GPHN: variants seen among roughly 807,000 people sequenced by gnomAD.
The protein encoded by GPHN is gephyrin.
GPHN carries 17 observed loss-of-function variants against 95.5 expected under a neutral mutation model. The ratio of observed to expected loss-of-function variants is 0.18; its 90% CI spans 0.12 to 0.27. GPHN has a LOEUF of 0.27. Among genes scored for constraint, GPHN ranks in the 10% least tolerant of loss-of-function variants. GPHN has a pLI of 1.00. For synonymous variants in GPHN, 320 were observed against 322.5 expected, an observed-to-expected ratio of 0.99 and a Z score of 0.08; for missense variants, 660 against 978.1, an observed-to-expected ratio of 0.67 and a Z score of 4.34.
the GPHN span, among the ~76,000 whole-genome samples, chr14:67,679,214 G>A: frequency 4.6e-5 from 7 of 152,182 alleles, 1 homozygote; most frequent in South Asian, 1.0e-3. Flanking sequence ...TAATGAACCC[G>A]TTCCAGAGAT....
the GPHN span, chr14:67,395,638 G>A: frequency 5.7e-5 from 88 of 1,544,478 alleles, no homozygotes; most frequent in Middle Eastern, 1.8e-4. Flanking sequence ...AGAGGACGCC[G>A]GGCAGCAAAA....
the GPHN span, chr14:67,352,854 A>C: frequency 4.5e-3 from 4,847 of 1,067,532 alleles, 99 homozygotes; most frequent in East Asian, 0.053. Context: ...CAACAACAAA[A>C]AAAAAAATGC....
intron 11 of GPHN, among the ~76,000 whole-genome samples, chr14:67,061,003 C>T (rs1467268898): frequency 2.6e-5 from 4 of 152,110 alleles, no homozygotes; most frequent in Admixed American, 2.0e-4. Flanking sequence ...CCTTGTTCTA[C>T]ATTCCCTCTG....
chr14:67,659,767 C>T, the GPHN span: 1 of 1,613,680 alleles, frequency 6.2e-7, no homozygotes, highest in African/African-American at 1.3e-5. Flanking sequence ...TGCCATATTT[C>T]ATGTCTCCTC....
At chr14:67,666,981 A>G in the GPHN span, among the ~76,000 whole-genome samples, 9 of 152,220 alleles carry the variant, frequency 5.9e-5, no homozygotes. Flanking sequence ...TACAAACAGC[A>G]AGGTGGCATC....
chr14:67,221,840 T>C, the GPHN span: 2 of 1,609,772 alleles, frequency 1.2e-6, no homozygotes, highest in South Asian at 1.1e-5. Context: ...TGTTTTATTG[T>C]GATCCCTGGT....
At chr14:67,541,589 C>G in the GPHN span, among the ~76,000 whole-genome samples, 1 of 152,136 alleles carries the variant, frequency 6.6e-6, no homozygotes, top group Admixed American at 6.5e-5. Flanking sequence ...CTAGGTTCTC[C>G]TTAAGGTTTC....
At chr14:66,745,067 A>G (rs562780097) in intron 2 of GPHN, among the ~76,000 whole-genome samples, 4 of 152,238 alleles carry the variant, frequency 2.6e-5, no homozygotes, top group South Asian at 4.1e-4. Context: ...CTACATCTCA[A>G]TATAGGTTAT....
At chr14:66,768,968 A>G (rs1350989014) in intron 2 of GPHN, among the ~76,000 whole-genome samples, 2 of 152,024 alleles carry the variant, frequency 1.3e-5, no homozygotes, top group Non-Finnish European at 2.9e-5. Flanking sequence ...TTAGAGAAGA[A>G]CATTTTAGAC....
rs569642001 is a variant in GPHN, at chr14:66,558,098, C to A, written c.64+49507C>A. Among the ~76,000 whole-genome samples the A allele has an allele frequency of 1.7e-3, 265 of 152,048 alleles. 1 individual carries two copies. The highest frequency in any genetic ancestry group is 6.1e-3 in the African/African-American group (253 of 41,484). ...AATGAAAATATTTTCTCTTTAAAAACCTGAGAAAATGATTTTTTTCCTAAA... is the reference window on the plus strand; with the variant it reads ...AATGAAAATATTTTCTCTTTAAAAAACTGAGAAAATGATTTTTTTCCTAAA... On this transcript the variant is annotated intron_variant, in intron 1 of 22. Coordinates refer to ENST00000478722, the MANE Select transcript of GPHN (RefSeq NM_020806.5).
At chr14:67,287,406 A>C in the GPHN span, among the ~76,000 whole-genome samples, 2 of 152,142 alleles carry the variant, frequency 1.3e-5, no homozygotes, top group Non-Finnish European at 2.9e-5. Context: ...GACTACAGGG[A>C]TATCAGTTAA....
the GPHN span, among the ~76,000 whole-genome samples, chr14:67,679,450 C>T: frequency 6.7e-6 from 1 of 149,674 alleles, no homozygotes; most frequent in South Asian, 2.1e-4. Flanking sequence ...GTCGCCCAGG[C>T]TGGAGTGCAG....
intron 2 of GPHN, among the ~76,000 whole-genome samples, chr14:66,735,241 A>G (rs889174691): frequency 1.3e-5 from 2 of 152,192 alleles, no homozygotes. Context: ...GTCAGATACT[A>G]TGTAAAGTAC....
intron 8 of GPHN, among the ~76,000 whole-genome samples, chr14:66,958,115 C>A (rs1430489668): frequency 1.3e-5 from 2 of 152,134 alleles, no homozygotes; most frequent in Non-Finnish European, 2.9e-5. Flanking sequence ...ATATTGCAGT[C>A]TCCAACTCTT....
the GPHN span, among the ~76,000 whole-genome samples, chr14:67,659,274 A>G: frequency 6.6e-6 from 1 of 152,310 alleles, no homozygotes; most frequent in South Asian, 2.1e-4. Context: ...AAGGTAAAGG[A>G]AAGCTTGGAT....
chr14:66,538,965 T>TA (rs2059245547), intron 1 of GPHN, among the ~76,000 whole-genome samples: 1 of 152,088 alleles, frequency 6.6e-6, no homozygotes, highest in Non-Finnish European at 1.5e-5. Context: ...CCAATTTAAT[T>TA]AGAGTTTTAT....
intron 1 of GPHN, among the ~76,000 whole-genome samples, chr14:66,635,526 T>C (rs1390895057): frequency 6.6e-6 from 1 of 152,172 alleles, no homozygotes; most frequent in Non-Finnish European, 1.5e-5. Context: ...GATGAGTTTA[T>C]ATACCATTGT....
chr14:67,455,273 G>C, the GPHN span, among the ~76,000 whole-genome samples: 1 of 152,052 alleles, frequency 6.6e-6, no homozygotes. Flanking sequence ...CCTCACATTT[G>C]GCTGCCCCTC....
chr14:67,194,872 G>T, the GPHN span, among the ~76,000 whole-genome samples: 1 of 152,170 alleles, frequency 6.6e-6, no homozygotes, highest in Non-Finnish European at 1.5e-5. Context: ...TGGCCAGGCT[G>T]ATCTTGAACT....
Sources: gnomAD v4.1 joint callset for allele counts (sites outside exome capture counted in the v4.1 genomes callset) on GRCh38, gnomAD v4.1.1 for gene constraint, MANE v1.5 for transcripts, NCBI Gene and HGNC (gene_info 2026-07-23, HGNC 2026-07-21) for gene names.